VWA8: variants seen among roughly 807,000 people sequenced by gnomAD.
VWA8 encodes von Willebrand factor A domain-containing protein 8.
A neutral mutation model predicts 241.5 loss-of-function variants in VWA8; 221 were observed. The observed-to-expected ratio is 0.91, with a 90% confidence interval of 0.82 to 1.02. The LOEUF is 1.02. Among genes scored for constraint, VWA8 ranks in the 50% least tolerant of loss-of-function variants. The pLI is 0.00. For missense variants in VWA8, 2,322 were observed against 2,328.7 expected, an observed-to-expected ratio of 1.00 and a Z score of 0.06; for synonymous variants, 852 against 827.1, an observed-to-expected ratio of 1.03 and a Z score of -0.52.
chr13:41,830,017 C>T (rs533527469), intron 14 of VWA8, among the ~76,000 whole-genome samples: 15 of 152,078 alleles, frequency 9.9e-5, no homozygotes, highest in African/African-American at 2.4e-4. Context: ...CCAAGGCGGG[C>T]GGATCACGAG....
chr13:41,944,618 C>T (rs557304220), intron 2 of VWA8, among the ~76,000 whole-genome samples: 16 of 152,166 alleles, frequency 1.1e-4, no homozygotes, highest in Non-Finnish European at 1.6e-4. Context: ...TTACAACAAA[C>T]TGTCCATAAT....
chr13:41,703,284 G>A lies in VWA8; in HGVS notation c.3225+19C>T, dbSNP rs534095904. On this transcript the variant is annotated intron_variant, in intron 27 of 44. Transcript: ENST00000379310. ...TTATAAGGTTCAATATTTTAAGAGA[G>A]AATAATGATGATATCAACCTTTATG... 9.3e-5 allele frequency: 148 copies of A among 1,586,432 alleles called. No homozygotes were observed. Among genetic ancestry groups the A allele is most frequent in the Admixed American group, 4.4e-4 (26 of 59,754 alleles).
chr13:41,914,374 C>A (rs772127371), intron 2 of VWA8, among the ~76,000 whole-genome samples: 3 of 152,154 alleles, frequency 2.0e-5, no homozygotes, highest in Admixed American at 6.5e-5. Context: ...TTTCATGATG[C>A]TAGCATGCAA....
At chr13:41,670,431 T>G (rs1235675155) in intron 37 of VWA8, among the ~76,000 whole-genome samples, 3 of 151,920 alleles carry the variant, frequency 2.0e-5, no homozygotes, top group Non-Finnish European at 1.5e-5. Flanking sequence ...TGGGTCTACT[T>G]ATTGTTGACT....
intron 17 of VWA8, among the ~76,000 whole-genome samples, chr13:41,810,865 C>G (rs534448888): frequency 6.6e-6 from 1 of 152,148 alleles, no homozygotes; most frequent in South Asian, 2.1e-4. Context: ...ATCAAAGTAT[C>G]TCATGTACCC....
At chr13:41,860,749 T>C (rs552613473) in intron 12 of VWA8, among the ~76,000 whole-genome samples, 1 of 152,310 alleles carries the variant, frequency 6.6e-6, no homozygotes, top group African/African-American at 2.4e-5. Context: ...CCTTCCAGTG[T>C]AGCTATGAGA....
At chr13:41,687,878 G>A (rs550087044) in intron 34 of VWA8, among the ~76,000 whole-genome samples, 6 of 152,020 alleles carry the variant, frequency 3.9e-5, no homozygotes, top group Non-Finnish European at 7.4e-5. Context: ...CAGGCTATAA[G>A]AATTTCTACA....
chr13:41,782,993 G>A lies in VWA8; in HGVS notation c.2277+802C>T, dbSNP rs140463060. 4.2e-3 allele frequency among the ~76,000 whole-genome samples: 628 copies of A among 151,000 alleles called. 3 individuals carry two copies. The highest frequency in any genetic ancestry group is 0.017 in the Middle Eastern group (5 of 292). On this transcript the variant is annotated intron_variant, in intron 19 of 44. Transcript: ENST00000379310. Reference sequence around the variant, plus strand: ...AAAAAGAAAGGAAAAGGAAAGAAAAGAAAAATACTAGAAACTTGCAGGAAA... The same window carrying A: ...AAAAAGAAAGGAAAAGGAAAGAAAAAAAAAATACTAGAAACTTGCAGGAAA...
chr13:41,926,149 G>A lies in VWA8; in HGVS notation c.242-13981C>T, dbSNP rs1029728601. ...CAAGGAGACATAATTGGAGTTCAGG[G>A]GAACCCTGGGAAAACCAAGAAGGGT... On this transcript the variant is annotated intron_variant, in intron 2 of 44. Coordinates refer to ENST00000379310, the MANE Select transcript of VWA8 (RefSeq NM_015058.2). 6.7e-6 allele frequency: 4 copies of A among 595,330 alleles called. No homozygotes were observed. The African/African-American group carries it at 7.5e-5, about 11-fold the overall frequency. 36.9% of individuals were successfully genotyped at this position (595,330 alleles called of 1,614,324 possible).
chr13:41,871,846 G>C (rs4356372), intron 9 of VWA8, among the ~76,000 whole-genome samples: 1,998 of 152,278 alleles, frequency 0.013, 24 homozygotes, highest in Middle Eastern at 0.048. Flanking sequence ...GGGTCAAATG[G>C]TATTTCTAGC....
At chr13:41,664,046 T>C (rs1340917354) in intron 37 of VWA8, among the ~76,000 whole-genome samples, 2 of 151,988 alleles carry the variant, frequency 1.3e-5, no homozygotes, top group Non-Finnish European at 2.9e-5. Context: ...TTTGCCACTC[T>C]TTCCACCTAT....
intron 12 of VWA8, among the ~76,000 whole-genome samples, chr13:41,858,982 T>A (rs1320793469): frequency 2.0e-5 from 3 of 151,564 alleles, no homozygotes; most frequent in Admixed American, 2.0e-4. Context: ...GAGGCTGAGG[T>A]GGGAGGATGA....
At position 41,898,300 on chromosome 13, in the gene VWA8, G is replaced by A. The variant is rs533289323; in HGVS notation, c.484-6713C>T. On this transcript the variant is annotated intron_variant, in intron 4 of 44. Transcript: ENST00000379310. ...GCTGATTGGTGTGTTTACAAACCTTGAGCTAGATACAGAGTGCCAATTGGT... is the reference window on the plus strand; with the variant it reads ...GCTGATTGGTGTGTTTACAAACCTTAAGCTAGATACAGAGTGCCAATTGGT... 3.3e-5 allele frequency among the ~76,000 whole-genome samples: 5 copies of A among 151,178 alleles called. No homozygotes were observed. The East Asian group carries it at 7.9e-4, about 24-fold the overall frequency.
chr13:41,729,410 A>C, intron 23 of VWA8, 132 bp downstream of exon 23: 1 of 857,386 alleles, frequency 1.2e-6, no homozygotes, highest in Middle Eastern at 3.8e-4. Context: ...AATGATTGTC[A>C]ATACAGGCAA....
chr13:41,886,961 T>C (rs1023036110), intron 6 of VWA8, 131 bp from the exon 7 acceptor site: 4 of 861,762 alleles, frequency 4.6e-6, no homozygotes, highest in African/African-American at 3.5e-5. Flanking sequence ...AAATCATTTA[T>C]TGATACATTT....
At chr13:41,776,696 G>A (rs1868611754) in intron 20 of VWA8, among the ~76,000 whole-genome samples, 1 of 152,086 alleles carries the variant, frequency 6.6e-6, no homozygotes, top group South Asian at 2.1e-4. Flanking sequence ...AGCCCAAAGG[G>A]ACCATACTAT....
chr13:41,906,776 T>G (rs1466543436), intron 4 of VWA8, among the ~76,000 whole-genome samples: 1 of 152,204 alleles, frequency 6.6e-6, no homozygotes, highest in African/African-American at 2.4e-5. Context: ...TGCCAAACTT[T>G]CTTTTTAAAT....
intron 4 of VWA8, among the ~76,000 whole-genome samples, chr13:41,903,747 T>C (rs1362444591): frequency 6.6e-6 from 1 of 152,038 alleles, no homozygotes; most frequent in South Asian, 2.1e-4. Flanking sequence ...TATTACAGGG[T>C]TTGGATCTGA....
At chr13:41,646,936 T>C (rs1593671747) in intron 37 of VWA8, among the ~76,000 whole-genome samples, 2 of 152,302 alleles carry the variant, frequency 1.3e-5, no homozygotes, top group South Asian at 4.1e-4. Flanking sequence ...GGACATTGGG[T>C]GTACTATGTA....
Sources: allele counts gnomAD v4.1 joint callset (sites outside exome capture counted in the v4.1 genomes callset), GRCh38; gene constraint gnomAD v4.1.1; transcripts MANE v1.5; gene names NCBI Gene and HGNC (gene_info 2026-07-23, HGNC 2026-07-21).